GRAMD1B: variants seen among roughly 807,000 people sequenced by gnomAD.
GRAMD1B encodes GRAM domain containing 1B.
A neutral mutation model predicts 99.7 loss-of-function variants in GRAMD1B; 37 were observed. The ratio of observed to expected loss-of-function variants is 0.37; its 90% CI spans 0.29 to 0.49. The LOEUF (loss-of-function observed/expected upper bound fraction) is 0.49. Ranked by LOEUF, GRAMD1B falls within the 20% of genes least tolerant of loss-of-function variation. The probability of loss-of-function intolerance (pLI) is 0.98; values close to 1 mark genes in which losing one functional copy is unlikely to be tolerated. For missense variants in GRAMD1B, 888 were observed against 1,009.2 expected, an observed-to-expected ratio of 0.88 and a Z score of 1.63; for synonymous variants, 427 against 387.6, an observed-to-expected ratio of 1.10 and a Z score of -1.19.
intron 7 of GRAMD1B, chr11:123,598,389 T>C: frequency 1.0e-6 from 1 of 959,178 alleles, no homozygotes; most frequent in Admixed American, 1.7e-5. Context: ...TTCCTCTCGC[T>C]CTTCTCCTGT....
chr11:123,483,676 C>T (rs1038357379), intron 2 of GRAMD1B, among the ~76,000 whole-genome samples: 1 of 152,140 alleles, frequency 6.6e-6, no homozygotes, highest in Non-Finnish European at 1.5e-5. Context: ...CATTAGCCAC[C>T]ACTGCATTTA....
chr11:123,533,141 G>A (rs1051172608), intron 2 of GRAMD1B, among the ~76,000 whole-genome samples: 1 of 151,694 alleles, frequency 6.6e-6, no homozygotes, highest in Non-Finnish European at 1.5e-5. Flanking sequence ...GGCTAAATTT[G>A]TATTTTTTTA....
chr11:123,430,726 G>A lies in GRAMD1B; in HGVS notation c.-67G>A. The A allele has an allele frequency of 1.6e-6, 1 of 608,100 alleles. No homozygotes were observed. Among genetic ancestry groups the A allele is most frequent in the East Asian group, 2.8e-5 (1 of 35,280 alleles). The allele number at this position is 608,100 out of a possible 1,614,324, so 37.7% of individuals were successfully genotyped here. On this transcript the variant is annotated 5_prime_UTR_variant, in exon 1 of 20. Coordinates refer to ENST00000635736, the MANE Select transcript of GRAMD1B (RefSeq NM_001387025.1). ...GCCGCGGGGCCGAGGGTGGGGAACAGCCAGAGGGAGACGCGAACCAGGCCG... is the reference window on the plus strand; with the variant it reads ...GCCGCGGGGCCGAGGGTGGGGAACAACCAGAGGGAGACGCGAACCAGGCCG...
At chr11:123,522,762 CT>C (rs1942321064) in intron 2 of GRAMD1B, among the ~76,000 whole-genome samples, 2 of 152,190 alleles carry the variant, frequency 1.3e-5, no homozygotes, top group Non-Finnish European at 2.9e-5. Flanking sequence ...TCTTCCTTCC[CT>C]TTTGGGTTCC....
At chr11:123,517,461 C>G (rs938718104) in intron 2 of GRAMD1B, among the ~76,000 whole-genome samples, 7 of 152,172 alleles carry the variant, frequency 4.6e-5, no homozygotes, top group Admixed American at 2.6e-4. Context: ...CACTTACTTG[C>G]TCTTAGTGTC....
intron 2 of GRAMD1B, among the ~76,000 whole-genome samples, chr11:123,557,748 T>TA (rs1946305349): frequency 6.6e-6 from 1 of 152,206 alleles, no homozygotes; most frequent in Non-Finnish European, 1.5e-5. Flanking sequence ...GTCCCTGACA[T>TA]ACGGTTTTAA....
chr11:123,493,757 A>C (rs558640068), intron 2 of GRAMD1B, among the ~76,000 whole-genome samples: 2 of 152,318 alleles, frequency 1.3e-5, no homozygotes, highest in South Asian at 2.1e-4. Context: ...AAACAGCTTC[A>C]GTAGAGGCCC....
At chr11:123,423,241 GACAC>G (rs57312255) in intron 1 of GRAMD1B, among the ~76,000 whole-genome samples, 21,635 of 146,172 alleles carry the variant, frequency 0.15, 1,573 homozygotes, top group East Asian at 0.21. Context: ...CCAACAATAA[GACAC>G]ACACACACAC....
intron 1 of GRAMD1B, among the ~76,000 whole-genome samples, chr11:123,419,061 T>G (rs1406513709): frequency 1.3e-5 from 2 of 152,232 alleles, no homozygotes; most frequent in Non-Finnish European, 2.9e-5. Flanking sequence ...TTTGAGATTT[T>G]TTTATGCTAG....
intron 2 of GRAMD1B, chr11:123,526,220 C>T (rs893547947): frequency 6.6e-7 from 1 of 1,525,788 alleles, no homozygotes; most frequent in Non-Finnish European, 9.1e-7. Flanking sequence ...TTTCTTCAGC[C>T]CTGTGCTCGC....
intron 2 of GRAMD1B, among the ~76,000 whole-genome samples, chr11:123,541,145 T>C (rs1944478479): frequency 6.6e-6 from 1 of 152,128 alleles, no homozygotes; most frequent in South Asian, 2.1e-4. Context: ...TGCTAGTTTT[T>C]TGTATTTTTT....
rs936694429 is a variant in GRAMD1B, at chr11:123,577,268, T to G, written c.453-99T>G. 4 of 987,752 alleles carry G rather than the reference T, an allele frequency of 4.0e-6. No individual in the cohort carries two copies. The African/African-American group carries it at 6.4e-5, about 16-fold the overall frequency. 61.2% of individuals were successfully genotyped at this position (987,752 alleles called of 1,614,324 possible). A position where few individuals can be genotyped will look rare whatever the true frequency, so the allele number is the denominator to read the frequency against. The stretch of plus-strand genomic sequence containing the variant: ...CAGCCCCTCACCTGGCTCCCTGAGC[T>G]GGCTCCTTTGGGCTTGTCCTTGGCC... On this transcript the variant is annotated intron_variant, in intron 2 of 19. Transcript: ENST00000635736.
intron 4 of GRAMD1B, 37 bp from the exon 5 acceptor site, chr11:123,594,045 G>A (rs748574191): frequency 1.7e-5 from 24 of 1,394,054 alleles, no homozygotes; most frequent in Middle Eastern, 1.8e-4. Flanking sequence ...CCACAGAACC[G>A]GGGTACATCC....
chr11:123,564,558 A>C (rs987601956), intron 2 of GRAMD1B, among the ~76,000 whole-genome samples: 1 of 152,230 alleles, frequency 6.6e-6, no homozygotes. Context: ...GATGGGAGAT[A>C]CTGTAAGGTG....
intron 2 of GRAMD1B, among the ~76,000 whole-genome samples, chr11:123,548,591 C>T (rs890430622): frequency 6.6e-6 from 1 of 151,740 alleles, no homozygotes; most frequent in African/African-American, 2.4e-5. Flanking sequence ...GGATTCGATG[C>T]TTGAAAATTA....
intron 16 of GRAMD1B, 50 bp downstream of exon 16, chr11:123,613,708 C>T (rs1390732439): frequency 7.2e-7 from 1 of 1,394,280 alleles, no homozygotes; most frequent in Non-Finnish European, 1.0e-6. Flanking sequence ...TGGGCTGGAG[C>T]TGCATGCCCA....
At chr11:123,552,609 C>A (rs926312143) in intron 2 of GRAMD1B, among the ~76,000 whole-genome samples, 9 of 152,118 alleles carry the variant, frequency 5.9e-5, no homozygotes, top group Non-Finnish European at 1.0e-4. Flanking sequence ...TAAATGTAAT[C>A]GGGTTGAGTT....
intron 2 of GRAMD1B, among the ~76,000 whole-genome samples, chr11:123,525,005 T>G (rs4936823): frequency 0.34 from 52,321 of 152,072 alleles, 10,230 homozygotes; most frequent in African/African-American, 0.53. Context: ...GAATTGTTAC[T>G]TTCCAGCTAG....
intron 1 of GRAMD1B, among the ~76,000 whole-genome samples, chr11:123,472,619 G>A (rs922478316): frequency 3.5e-4 from 53 of 152,328 alleles, no homozygotes; most frequent in African/African-American, 1.3e-3. Context: ...TGGGAATTAC[G>A]CCAGGTGCTG....
Sources: gnomAD v4.1 joint callset for allele counts (sites outside exome capture counted in the v4.1 genomes callset) on GRCh38, gnomAD v4.1.1 for gene constraint, MANE v1.5 for transcripts, NCBI Gene and HGNC (gene_info 2026-07-23, HGNC 2026-07-21) for gene names.